Variants in PLOD2 observed in about 807,000 individuals in gnomAD.
The protein encoded by PLOD2 is procollagen-lysine,2-oxoglutarate 5-dioxygenase 2.
In PLOD2, 65 loss-of-function variants were observed where a neutral mutation model predicts 101.0. That is an observed-to-expected ratio of 0.64 (90% confidence interval 0.53 to 0.79). PLOD2 has a LOEUF of 0.79. Among genes scored for constraint, PLOD2 ranks in the 30% least tolerant of loss-of-function variants. PLOD2 has a pLI of 0.00. For missense variants in PLOD2, 909 were observed against 914.6 expected, an observed-to-expected ratio of 0.99 and a Z score of 0.08; for synonymous variants, 314 against 302.9, an observed-to-expected ratio of 1.04 and a Z score of -0.38.
intron 7 of PLOD2, among the ~76,000 whole-genome samples, chr3:146,093,692 A>G (rs1038744807): frequency 5.3e-5 from 8 of 152,166 alleles, no homozygotes; most frequent in Non-Finnish European, 8.8e-5. Context: ...CATGTCTAAA[A>G]TCTCTATTAT....
chr3:146,145,967 C>CATAAAAGTTACA (rs1559871822), intron 1 of PLOD2, among the ~76,000 whole-genome samples: 1 of 152,136 alleles, frequency 6.6e-6, no homozygotes, highest in East Asian at 1.9e-4. Flanking sequence ...CCGTCTCTTC[C>CATAAAAGTTACA]ATAAAAGTTA....
At position 146,081,851 on chromosome 3, in the gene PLOD2, A is replaced by G. The variant is rs773100198; in HGVS notation, c.1245T>C (p.Ala415=). 3.1e-6 allele frequency: 5 copies of G among 1,612,682 alleles called. No individual in the cohort carries two copies. The highest frequency in any genetic ancestry group is 1.7e-6 in the Non-Finnish European group (2 of 1,178,912). ...ILIEQNRKII[A]PLVTRHGKLW... ...GCTTTCCATGACGAGTTACAAGAGG[A>G]GCAATGATCTTTCTAAAGACAGAGA... Residue 415 remains alanine (A), a synonymous_variant, in exon 12 of 20, where the codon GCT becomes GCC. Transcript: ENST00000282903.
chr3:146,084,043 G>A (rs1421066783), intron 11 of PLOD2, among the ~76,000 whole-genome samples: 1 of 151,540 alleles, frequency 6.6e-6, no homozygotes, highest in African/African-American at 2.4e-5. Context: ...AAAGCATATG[G>A]GCATTACACA....
chr3:146,078,496 T>C (rs1170890513), intron 13 of PLOD2, among the ~76,000 whole-genome samples: 1 of 151,866 alleles, frequency 6.6e-6, no homozygotes, highest in African/African-American at 2.4e-5. Context: ...TTCTAAGCCA[T>C]GTTTATGCAT....
chr3:146,134,071 A>T (rs530601144), intron 1 of PLOD2, among the ~76,000 whole-genome samples: 1 of 152,292 alleles, frequency 6.6e-6, no homozygotes, highest in Admixed American at 6.5e-5. Context: ...ACATGAAAAA[A>T]AGAAGAAAGA....
Position 146,104,301 on chromosome 3 carries a change from G to C in PLOD2, c.657C>G (p.Phe219Leu), listed in dbSNP as rs762304507. Residue 219 changes from phenylalanine to leucine, a missense_variant, in exon 6 of 20, where the codon TTC becomes TTG. Phe to Leu is a conservative substitution (Grantham distance 22, BLOSUM62 0). Coordinates refer to ENST00000282903, the MANE Select transcript of PLOD2 (RefSeq NM_182943.3). ...TACCTACAGCTCCATTTAAGGTCTG[G>C]AAAATTTTGCATTTGTGATCCAATG... ...NITLDHKCKI[F>L]QTLNGAVDEV... The C allele has an allele frequency of 1.3e-6, 2 of 1,594,178 alleles. No homozygotes were observed. The highest frequency in any genetic ancestry group is 1.7e-6 in the Non-Finnish European group (2 of 1,162,012).
intron 15 of PLOD2, among the ~76,000 whole-genome samples, chr3:146,075,163 T>C (rs2107998343): frequency 6.6e-6 from 1 of 151,660 alleles, no homozygotes. Context: ...AAGAGGAAGG[T>C]ATGTGGTTAA....
chr3:146,158,664 C>CTTTT (rs138390848), intron 1 of PLOD2, among the ~76,000 whole-genome samples: 4 of 145,138 alleles, frequency 2.8e-5, no homozygotes, highest in Admixed American at 1.4e-4. Flanking sequence ...GACATTAGGC[C>CTTTT]TTTTTTGTTT....
At chr3:146,099,561 T>G (rs1468568073) in intron 7 of PLOD2, among the ~76,000 whole-genome samples, 1 of 148,660 alleles carries the variant, frequency 6.7e-6, no homozygotes, top group Non-Finnish European at 1.5e-5. Flanking sequence ...ATTTTTTTTC[T>G]TTTTTTTTTC....
intron 1 of PLOD2, among the ~76,000 whole-genome samples, chr3:146,136,428 G>A (rs1237098010): frequency 6.6e-6 from 1 of 152,100 alleles, no homozygotes. Flanking sequence ...TTTACTTCTT[G>A]CATAAAATTA....
intron 1 of PLOD2, among the ~76,000 whole-genome samples, chr3:146,134,379 T>C (rs879569995): frequency 1.2e-4 from 18 of 152,160 alleles, no homozygotes; most frequent in African/African-American, 3.1e-4. Context: ...AAAATGTATA[T>C]ACTAGATATA....
Position 146,146,172 on chromosome 3 carries a change from T to C in PLOD2, c.109+14709A>G, listed in dbSNP as rs189242858. 5.6e-3 allele frequency among the ~76,000 whole-genome samples: 846 copies of C among 152,314 alleles called. 8 individuals carry two copies. Among genetic ancestry groups the C allele is most frequent in the African/African-American group, 0.018 (768 of 41,558 alleles). Reference sequence around the variant, plus strand: ...GTTAAAAAGCATGTATTTCATGTAATGCTAAGCCCTTACTTGGGTCCCTAT... The same window carrying C: ...GTTAAAAAGCATGTATTTCATGTAACGCTAAGCCCTTACTTGGGTCCCTAT... On this transcript the variant is annotated intron_variant, in intron 1 of 19. Coordinates refer to ENST00000282903, the MANE Select transcript of PLOD2 (RefSeq NM_182943.3).
chr3:146,132,368 G>A (rs2030967376), intron 1 of PLOD2, among the ~76,000 whole-genome samples: 1 of 151,958 alleles, frequency 6.6e-6, no homozygotes, highest in Admixed American at 6.6e-5. Context: ...TCCTGGATAG[G>A]AGTCATGAAG....
chr3:146,109,287 G>A (rs1043763499), intron 4 of PLOD2, among the ~76,000 whole-genome samples: 3 of 152,190 alleles, frequency 2.0e-5, no homozygotes, highest in Non-Finnish European at 4.4e-5. Context: ...ACCAGGCAGT[G>A]CAAACTGGAA....
intron 1 of PLOD2, among the ~76,000 whole-genome samples, chr3:146,135,013 G>C (rs7652622): frequency 0.024 from 3,675 of 152,262 alleles, 143 homozygotes; most frequent in African/African-American, 0.083. Context: ...ATGGACAGAA[G>C]TCATAACTTT....
chr3:146,101,918 G>A (rs1199591990), intron 7 of PLOD2, among the ~76,000 whole-genome samples: 3 of 152,128 alleles, frequency 2.0e-5, no homozygotes, highest in South Asian at 2.1e-4. Context: ...TAGAAGAGAC[G>A]GGAATCTACT....
intron 1 of PLOD2, among the ~76,000 whole-genome samples, chr3:146,142,444 A>T (rs1466954149): frequency 6.6e-6 from 1 of 151,996 alleles, no homozygotes; most frequent in East Asian, 1.9e-4. Flanking sequence ...TCAGTCTGTC[A>T]CTTTTTCTTC....
At chr3:146,123,029 A>C (rs1254648279) in intron 2 of PLOD2, among the ~76,000 whole-genome samples, 1 of 152,100 alleles carries the variant, frequency 6.6e-6, no homozygotes, top group East Asian at 1.9e-4. Flanking sequence ...TTTATCCTAT[A>C]TTAAACATCT....
chr3:146,141,374 G>A (rs539064151), intron 1 of PLOD2, among the ~76,000 whole-genome samples: 10 of 152,140 alleles, frequency 6.6e-5, no homozygotes, highest in Admixed American at 2.0e-4. Flanking sequence ...GGAAGTTCTC[G>A]TTTTTATTGA....
Sources: gnomAD v4.1 joint callset for allele counts (sites outside exome capture counted in the v4.1 genomes callset) on GRCh38, gnomAD v4.1.1 for gene constraint, MANE v1.5 for transcripts, NCBI Gene and HGNC (gene_info 2026-07-23, HGNC 2026-07-21) for gene names.